The following B4GALNT3 variants were observed in gnomAD, a reference collection of about 807,000 sequenced individuals.
B4GALNT3 encodes beta-1,4-N-acetylgalactosaminyltransferase 3.
A neutral mutation model predicts 120.2 loss-of-function variants in B4GALNT3; 86 were observed. That is an observed-to-expected ratio of 0.72 (90% CI 0.60 to 0.86). The LOEUF (loss-of-function observed/expected upper bound fraction) is 0.86, where lower values mean the gene tolerates loss of function less well. Among genes scored for constraint, B4GALNT3 ranks in the 40% least tolerant of loss-of-function variants. B4GALNT3 has a pLI of 0.00. For missense variants in B4GALNT3, 1,167 were observed against 1,298.9 expected (o/e 0.90, Z 1.56); for synonymous variants, 518 against 510.4 (o/e 1.01, Z -0.20).
intron 1 of B4GALNT3, among the ~76,000 whole-genome samples, chr12:509,566 C>A (rs1397217956): frequency 6.6e-6 from 1 of 151,912 alleles, no homozygotes; most frequent in Non-Finnish European, 1.5e-5. Flanking sequence ...CTCCTATTTG[C>A]TGGTACCTAG....
intron 1 of B4GALNT3, among the ~76,000 whole-genome samples, chr12:528,759 A>C (rs565094691): frequency 6.6e-6 from 1 of 152,224 alleles, no homozygotes; most frequent in East Asian, 1.9e-4. Flanking sequence ...CTCTCCAAGG[A>C]CAGAGCCACA....
At chr12:494,847 T>C (rs1247875052) in intron 1 of B4GALNT3, among the ~76,000 whole-genome samples, 2 of 152,148 alleles carry the variant, frequency 1.3e-5, no homozygotes, top group African/African-American at 4.8e-5. Flanking sequence ...TTATGTATTC[T>C]TTGATAACAG....
chr12:529,006 C>G (rs1438492241), intron 1 of B4GALNT3, among the ~76,000 whole-genome samples: 1 of 152,146 alleles, frequency 6.6e-6, no homozygotes, highest in African/African-American at 2.4e-5. Flanking sequence ...TGTACGTTCA[C>G]CCTGGATCCT....
intron 1 of B4GALNT3, among the ~76,000 whole-genome samples, chr12:533,662 C>T (rs761813297): frequency 1.3e-5 from 2 of 152,096 alleles, no homozygotes; most frequent in African/African-American, 2.4e-5. Context: ...ACTTCAGACT[C>T]GGAGCGCTCT....
chr12:553,323 C>A lies in B4GALNT3; in HGVS notation c.1400C>A (p.Ala467Asp), dbSNP rs763874087. The A allele has an allele frequency of 3.1e-6, 5 of 1,613,716 alleles. No individual in the cohort carries two copies. Among genetic ancestry groups the A allele is most frequent in the Non-Finnish European group, 4.2e-6 (5 of 1,180,040 alleles). ...CCTGCCTCCACCCTGGAGCAAGATG[C>A]CACTGACTACCGCCTCCGAAGCCTG... Reference protein sequence around the residue: ...QTPASTLEQDATDYRLRSLRK... With the variant: ...QTPASTLEQDDTDYRLRSLRK... Residue 467 changes from alanine to aspartate, a missense_variant, in exon 14 of 20, where the codon GCC becomes GAC. By Grantham distance (126) the Ala-to-Asp change is moderately radical. This residue lies in a region of B4GALNT3 where 983 missense variants were observed against 1,102.5 expected (regional missense o/e 0.89). Coordinates refer to ENST00000266383, the MANE Select transcript of B4GALNT3 (RefSeq NM_173593.4).
intron 1 of B4GALNT3, among the ~76,000 whole-genome samples, chr12:531,054 T>A (rs1030578491): frequency 1.3e-5 from 2 of 152,086 alleles, no homozygotes; most frequent in Non-Finnish European, 2.9e-5. Flanking sequence ...TACCAGAGGG[T>A]AAGCGACAAA....
Position 485,016 on chromosome 12 carries a change from A to G in B4GALNT3, c.169+24471A>G, listed in dbSNP as rs147105538. Among the ~76,000 whole-genome samples, 468 of 152,266 alleles carry G rather than the reference A, an allele frequency of 3.1e-3. 4 individuals are homozygous for G. The highest frequency in any genetic ancestry group is 0.011 in the African/African-American group (445 of 41,538). On this transcript the variant is annotated intron_variant, in intron 1 of 19. Transcript: ENST00000266383. ...TATGGTGTTCTCGCATAGACAAAAT[A>G]TACACGTCACACATAACACATCCCT... is the stretch of plus-strand genomic sequence containing the variant.
rs1349040932 is a variant in B4GALNT3 at position 546,678 on chromosome 12, T to G, written c.672T>G (p.Phe224Leu). The G allele has an allele frequency of 1.3e-6, 2 of 1,551,448 alleles. No homozygotes were observed. Among genetic ancestry groups the G allele is most frequent in the Non-Finnish European group, 1.7e-6 (2 of 1,146,930 alleles). ...TGKEWTAPGE[F>L]GKFRSQISKP... Reference sequence around the variant, plus strand: ...AGGAGTGGACCGCCCCGGGAGAGTTTGGGAAATTTCGGAGCCAAATTTCCA... The same window carrying G: ...AGGAGTGGACCGCCCCGGGAGAGTTGGGGAAATTTCGGAGCCAAATTTCCA... Residue 224 changes from phenylalanine to leucine, a missense_variant, in exon 7 of 20, where the codon TTT becomes TTG. By Grantham distance (22) the Phe-to-Leu change is conservative. Transcript: ENST00000266383.
chr12:538,481 T>C (rs1946883048), intron 3 of B4GALNT3, among the ~76,000 whole-genome samples: 1 of 146,442 alleles, frequency 6.8e-6, no homozygotes, highest in African/African-American at 2.6e-5. Flanking sequence ...ATTGCTTGAG[T>C]GTAGGCAGTT....
In B4GALNT3 at chr12:561,429, G is replaced by A. The variant is rs36078145; in HGVS notation, c.2975G>A (p.Arg992His). ...CATTCCAAGCGAGGCATGTGGAGCC[G>A]TCGCCAGATGAAGACGCTGTAGCCG... ...HFHSKRGMWSRRQMKTL is the reference protein window; with the variant it reads ...HFHSKRGMWSHRQMKTL Residue 992 changes from arginine to histidine, a missense_variant, in exon 20 of 20, where the codon CGT becomes CAT. Around this residue, in one of 3 missense-constraint regions of B4GALNT3, gnomAD observed 983 missense variants for 1,102.5 expected, o/e 0.89. Transcript: ENST00000266383. 0.062 allele frequency: 99,289 copies of A among 1,612,858 alleles called. 3,462 individuals carry two copies. The highest frequency in any genetic ancestry group is 0.07 in the Non-Finnish European group (82,858 of 1,179,556).
At chr12:511,167 T>C (rs1313587592) in intron 1 of B4GALNT3, among the ~76,000 whole-genome samples, 1 of 151,786 alleles carries the variant, frequency 6.6e-6, no homozygotes, top group African/African-American at 2.4e-5. Context: ...GCAGCTGAAC[T>C]ACAGGCGTGT....
intron 1 of B4GALNT3, among the ~76,000 whole-genome samples, chr12:497,867 C>G (rs1035748705): frequency 6.6e-6 from 1 of 152,150 alleles, no homozygotes; most frequent in Non-Finnish European, 1.5e-5. Context: ...CACAGCCACT[C>G]TAGAAAGTGT....
chr12:552,236 C>G, intron 12 of B4GALNT3, 73 bp downstream of exon 12: 1 of 1,362,194 alleles, frequency 7.3e-7, no homozygotes, highest in Non-Finnish European at 1.0e-6. Flanking sequence ...GCTGCCTGGA[C>G]CAGGGTGATG....
intron 1 of B4GALNT3, among the ~76,000 whole-genome samples, chr12:495,581 A>G (rs1470458875): frequency 2.0e-5 from 3 of 152,152 alleles, no homozygotes; most frequent in African/African-American, 7.2e-5. Context: ...GTGTACAGCT[A>G]TGCAGGTTGT....
intron 1 of B4GALNT3, among the ~76,000 whole-genome samples, chr12:483,894 A>G (rs930000114): frequency 1.3e-5 from 2 of 152,120 alleles, no homozygotes; most frequent in South Asian, 2.1e-4. Context: ...TGACACTGCA[A>G]TGGTGGAGGG....
intron 1 of B4GALNT3, among the ~76,000 whole-genome samples, chr12:527,468 G>A (rs1427904558): frequency 2.0e-5 from 3 of 152,250 alleles, no homozygotes; most frequent in Admixed American, 1.3e-4. Context: ...AGCTTGGCAG[G>A]AAGCTGGGGG....
chr12:488,011 G>A (rs1219588487), intron 1 of B4GALNT3, among the ~76,000 whole-genome samples: 1 of 152,156 alleles, frequency 6.6e-6, no homozygotes, highest in East Asian at 1.9e-4. Context: ...CACCTATCAA[G>A]AAGCAAAGAT....
intron 3 of B4GALNT3, among the ~76,000 whole-genome samples, chr12:542,435 G>C (rs1946928547): frequency 1.3e-5 from 2 of 152,182 alleles, no homozygotes; most frequent in Admixed American, 1.3e-4. Context: ...TGTCCCCTCA[G>C]AGCTCCTAAG....
intron 1 of B4GALNT3, among the ~76,000 whole-genome samples, chr12:525,983 G>A (rs1565602774): frequency 6.6e-6 from 1 of 152,170 alleles, no homozygotes. Context: ...GAAACTTATT[G>A]AGCAATGTCA....
Sources: allele counts gnomAD v4.1 joint callset (sites outside exome capture counted in the v4.1 genomes callset), GRCh38; gene constraint gnomAD v4.1.1; regional missense constraint gnomAD v4.1.1; transcripts MANE v1.5; gene names NCBI Gene and HGNC (gene_info 2026-07-23, HGNC 2026-07-21).